Variants in KCNH5 observed in about 807,000 individuals in gnomAD.
KCNH5 encodes the protein potassium voltage-gated channel subfamily H member 5.
Under a neutral mutation model 96.1 loss-of-function variants are expected in KCNH5, and 46 were observed. That is an observed-to-expected ratio of 0.48 (90% confidence interval 0.38 to 0.61). The LOEUF (loss-of-function observed/expected upper bound fraction) is 0.61. Ranked by LOEUF, KCNH5 falls within the 20% of genes least tolerant of loss-of-function variation. The pLI is 0.00. For synonymous variants in KCNH5, 439 were observed against 449.8 expected (o/e 0.98, Z 0.30); for missense variants, 907 against 1,225.8 (o/e 0.74, Z 3.88).
intron 8 of KCNH5, among the ~76,000 whole-genome samples, chr14:62,824,496 G>A (rs193212563): frequency 2.8e-4 from 43 of 151,900 alleles, no homozygotes; most frequent in Non-Finnish European, 2.9e-5. Context: ...TTCAAAAAAC[G>A]CTTTTTTTTT....
intron 3 of KCNH5, among the ~76,000 whole-genome samples, chr14:63,003,091 T>C (rs1594669438): frequency 6.6e-6 from 1 of 152,180 alleles, no homozygotes; most frequent in East Asian, 1.9e-4. Context: ...CTGTTAGAAA[T>C]CTGAACAGAA....
At chr14:62,868,692 C>T (rs1293921557) in intron 7 of KCNH5, among the ~76,000 whole-genome samples, 1 of 152,172 alleles carries the variant, frequency 6.6e-6, no homozygotes, top group Non-Finnish European at 1.5e-5. Context: ...CCCTATCCCC[C>T]TACCCGCTGA....
intron 6 of KCNH5, among the ~76,000 whole-genome samples, chr14:62,951,114 A>G (rs1889997447): frequency 6.6e-6 from 1 of 152,188 alleles, no homozygotes; most frequent in Non-Finnish European, 1.5e-5. Context: ...ACCTCCTGCC[A>G]CAATCATGAG....
chr14:62,952,042 T>G (rs117293024), intron 6 of KCNH5, among the ~76,000 whole-genome samples: 1,755 of 152,100 alleles, frequency 0.012, 23 homozygotes, highest in East Asian at 0.049. Context: ...AGCATGTGTT[T>G]GAAATTTTTC....
At chr14:63,040,004 T>G (rs1891792922) in intron 1 of KCNH5, among the ~76,000 whole-genome samples, 1 of 152,062 alleles carries the variant, frequency 6.6e-6, no homozygotes, top group Non-Finnish European at 1.5e-5. Flanking sequence ...ACTACAGTAC[T>G]TTGGTGAACA....
At chr14:63,007,654 C>T (rs183987989) in intron 2 of KCNH5, among the ~76,000 whole-genome samples, 183 of 152,132 alleles carry the variant, frequency 1.2e-3, no homozygotes, top group African/African-American at 4.3e-3. Context: ...CTTGCATGGA[C>T]CTTATGTTCC....
intron 10 of KCNH5, among the ~76,000 whole-genome samples, chr14:62,727,513 C>T (rs1426765795): frequency 6.6e-6 from 1 of 152,112 alleles, no homozygotes; most frequent in Non-Finnish European, 1.5e-5. Context: ...TGTGAAAATG[C>T]ATCAAATAGT....
intron 7 of KCNH5, among the ~76,000 whole-genome samples, chr14:62,940,079 C>T (rs1238463803): frequency 6.6e-6 from 1 of 152,060 alleles, no homozygotes; most frequent in Non-Finnish European, 1.5e-5. Context: ...AATTATGATG[C>T]AAAAAATTGA....
chr14:62,816,353 T>C (rs757640238), intron 8 of KCNH5, among the ~76,000 whole-genome samples: 1 of 151,988 alleles, frequency 6.6e-6, no homozygotes, highest in Non-Finnish European at 1.5e-5. Context: ...TATCAGTGTA[T>C]GTATGTGTAA....
At chr14:62,850,300 C>T (rs934611563) in intron 7 of KCNH5, among the ~76,000 whole-genome samples, 2 of 152,138 alleles carry the variant, frequency 1.3e-5, no homozygotes, top group African/African-American at 4.8e-5. Context: ...TCACTGCCTG[C>T]TCCTTCCAAT....
intron 7 of KCNH5, among the ~76,000 whole-genome samples, chr14:62,883,488 G>A (rs1888533504): frequency 6.6e-6 from 1 of 152,004 alleles, no homozygotes; most frequent in South Asian, 2.1e-4. Context: ...CAAAATTCCA[G>A]GACACTTTAA....
intron 7 of KCNH5, among the ~76,000 whole-genome samples, chr14:62,890,454 G>T (rs562328988): frequency 1.3e-5 from 2 of 152,196 alleles, no homozygotes; most frequent in Non-Finnish European, 1.5e-5. Context: ...CCAGCACTTT[G>T]GGAGGCCGAG....
chr14:62,909,066 G>C (rs1476482300), intron 7 of KCNH5, among the ~76,000 whole-genome samples: 1 of 74,272 alleles, frequency 1.3e-5, no homozygotes, highest in African/African-American at 5.5e-5. Context: ...TTTTTTTTGA[G>C]ACGGAATCTC....
chr14:62,814,678 G>C (rs1366935434), intron 8 of KCNH5, among the ~76,000 whole-genome samples: 2 of 147,386 alleles, frequency 1.4e-5, no homozygotes, highest in African/African-American at 2.5e-5. Context: ...AGCTACCCGG[G>C]AGGCTGAAGC....
intron 7 of KCNH5, among the ~76,000 whole-genome samples, chr14:62,900,393 T>C (rs376002212): frequency 6.6e-6 from 1 of 152,244 alleles, no homozygotes; most frequent in Non-Finnish European, 1.5e-5. Flanking sequence ...TATACTTTTA[T>C]GTGTATGCAC....
intron 7 of KCNH5, among the ~76,000 whole-genome samples, chr14:62,912,815 T>C (rs1346361615): frequency 6.6e-6 from 1 of 152,178 alleles, no homozygotes; most frequent in Non-Finnish European, 1.5e-5. Context: ...GTGTGGAAAA[T>C]GAAGATAGAA....
At chr14:63,007,506 T>C (rs1388815627) in intron 2 of KCNH5, among the ~76,000 whole-genome samples, 4 of 152,154 alleles carry the variant, frequency 2.6e-5, no homozygotes, top group African/African-American at 7.2e-5. Flanking sequence ...TAAATAAATA[T>C]GAGTTTTACT....
intron 7 of KCNH5, among the ~76,000 whole-genome samples, chr14:62,868,733 G>C (rs750086258): frequency 6.6e-6 from 1 of 151,990 alleles, no homozygotes; most frequent in African/African-American, 2.4e-5. Flanking sequence ...TCCCCTCCCT[G>C]TGTCCATGTG....
intron 10 of KCNH5, among the ~76,000 whole-genome samples, chr14:62,734,409 C>T (rs1378999685): frequency 7.9e-5 from 12 of 152,142 alleles, no homozygotes; most frequent in African/African-American, 2.9e-4. Context: ...CTATTGATAA[C>T]AAACCACTTA....
Sources: gnomAD v4.1 joint callset for allele counts (sites outside exome capture counted in the v4.1 genomes callset) on GRCh38, gnomAD v4.1.1 for gene constraint, MANE v1.5 for transcripts, NCBI Gene and HGNC (gene_info 2026-07-23, HGNC 2026-07-21) for gene names.